DOCK3: variants seen among roughly 807,000 people sequenced by gnomAD.
The protein encoded by DOCK3 is dedicator of cytokinesis 3.
Under a neutral mutation model 265.6 loss-of-function variants are expected in DOCK3, and 60 were observed. The ratio of observed to expected loss-of-function variants is 0.23; its 90% confidence interval spans 0.18 to 0.28. DOCK3 has a LOEUF of 0.28. Among genes scored for constraint, DOCK3 ranks in the 10% least tolerant of loss-of-function variants. The pLI is 1.00. For synonymous variants in DOCK3, 881 were observed against 938.0 expected, an observed-to-expected ratio of 0.94 and a Z score of 1.11; for missense variants, 1,981 against 2,594.3, an observed-to-expected ratio of 0.76 and a Z score of 5.14.
intron 4 of DOCK3, among the ~76,000 whole-genome samples, chr3:50,928,584 G>A (rs1298824464): frequency 6.6e-6 from 1 of 152,034 alleles, no homozygotes; most frequent in Non-Finnish European, 1.5e-5. Flanking sequence ...GTTTTCGTTT[G>A]CAAGTTTCCT....
chr3:51,064,696 A>T, intron 6 of DOCK3, 100 bp downstream of exon 6: 1 of 1,421,490 alleles, frequency 7.0e-7, no homozygotes, highest in African/African-American at 1.4e-5. Context: ...AATGATTCAA[A>T]GGCAATGTTA....
rs1043540270 is a variant in DOCK3 at position 51,011,776 on chromosome 3, T to C, written c.316-52672T>C. On this transcript the variant is annotated intron_variant, in intron 5 of 52. Transcript: ENST00000266037. ...GGTTTTACCTACCTTTGGTCTTTGA[T>C]GATGGTGACGTACAGATGGGGTTTT... is the stretch of plus-strand genomic sequence containing the variant. Among the ~76,000 whole-genome samples, 10 of 152,312 alleles carry C rather than the reference T, an allele frequency of 6.6e-5. No individual in the cohort carries two copies. In the East Asian group the frequency reaches 7.7e-4, roughly 12 times the overall value.
chr3:50,823,239 G>T (rs1027844634), intron 2 of DOCK3, among the ~76,000 whole-genome samples: 2 of 151,996 alleles, frequency 1.3e-5, no homozygotes, highest in Non-Finnish European at 2.9e-5. Flanking sequence ...GACAATAGTG[G>T]AGGGAAGGTC....
intron 5 of DOCK3, among the ~76,000 whole-genome samples, chr3:50,936,234 T>C (rs1277127424): frequency 6.6e-6 from 1 of 151,632 alleles, no homozygotes; most frequent in Non-Finnish European, 1.5e-5. Flanking sequence ...TGAAGATAGC[T>C]CACTAGAAAT....
intron 5 of DOCK3, among the ~76,000 whole-genome samples, chr3:50,950,921 T>C (rs1384935739): frequency 6.6e-6 from 1 of 152,204 alleles, no homozygotes; most frequent in Non-Finnish European, 1.5e-5. Flanking sequence ...TCAACAAATA[T>C]TGGAGAGAAT....
At chr3:51,055,926 A>G (rs570420230) in intron 5 of DOCK3, among the ~76,000 whole-genome samples, 2 of 152,288 alleles carry the variant, frequency 1.3e-5, no homozygotes, top group South Asian at 2.1e-4. Flanking sequence ...ATAATGGAGG[A>G]TGTATTTGGG....
chr3:50,697,078 G>A (rs1333053832), intron 1 of DOCK3, among the ~76,000 whole-genome samples: 1 of 151,648 alleles, frequency 6.6e-6, no homozygotes, highest in Admixed American at 6.6e-5. Context: ...TTACAGATGT[G>A]CACCACCATG....
chr3:51,260,949 A>T (rs1378021928), intron 23 of DOCK3, among the ~76,000 whole-genome samples: 1 of 152,030 alleles, frequency 6.6e-6, no homozygotes, highest in Non-Finnish European at 1.5e-5. Context: ...GCACCACTGC[A>T]CTCCAGCCTG....
At chr3:51,324,189 C>G (rs1053434600) in intron 32 of DOCK3, among the ~76,000 whole-genome samples, 1 of 152,068 alleles carries the variant, frequency 6.6e-6, no homozygotes, top group African/African-American at 2.4e-5. Context: ...TTGTCTCAGC[C>G]CAAAATCTCC....
At chr3:51,231,268 A>G (rs2090537011) in intron 19 of DOCK3, among the ~76,000 whole-genome samples, 1 of 150,868 alleles carries the variant, frequency 6.6e-6, no homozygotes, top group South Asian at 2.1e-4. Flanking sequence ...AGCTGGTATT[A>G]CAGGCATGTG....
intron 2 of DOCK3, among the ~76,000 whole-genome samples, chr3:50,832,860 T>C (rs2045273548): frequency 6.6e-6 from 1 of 152,112 alleles, no homozygotes; most frequent in African/African-American, 2.4e-5. Flanking sequence ...TCAGAAAGCA[T>C]TGGTTTGTCG....
chr3:51,199,584 G>C (rs59391723), intron 12 of DOCK3, among the ~76,000 whole-genome samples: 11,144 of 152,074 alleles, frequency 0.073, 1,002 homozygotes, highest in East Asian at 0.32. Context: ...GCCTGCCTGC[G>C]TCTGTAGGCT....
intron 9 of DOCK3, among the ~76,000 whole-genome samples, chr3:51,110,866 A>G (rs2083481438): frequency 6.6e-6 from 1 of 152,176 alleles, no homozygotes; most frequent in African/African-American, 2.4e-5. Context: ...AAAGGCCTCT[A>G]CGTAGGAAGA....
At chr3:50,818,670 A>G (rs2044234438) in intron 2 of DOCK3, among the ~76,000 whole-genome samples, 1 of 152,224 alleles carries the variant, frequency 6.6e-6, no homozygotes, top group Non-Finnish European at 1.5e-5. Flanking sequence ...TCACTGGGAC[A>G]GGAAGGGAGA....
chr3:50,778,525 T>C (rs2041736069), intron 1 of DOCK3, 150 bp from the exon 2 acceptor site: 1 of 549,712 alleles, frequency 1.8e-6, no homozygotes, highest in Admixed American at 3.1e-5. Context: ...AAAATGTAGA[T>C]TAAATGGAAA....
chr3:50,787,703 C>T, intron 2 of DOCK3: 1 of 1,288,732 alleles, frequency 7.8e-7, no homozygotes, highest in Non-Finnish European at 1.1e-6. Flanking sequence ...GCAACAGAGG[C>T]AGCTCTCCTC....
intron 2 of DOCK3, among the ~76,000 whole-genome samples, chr3:50,827,094 CA>C (rs1303641489): frequency 6.6e-6 from 1 of 152,064 alleles, no homozygotes; most frequent in Non-Finnish European, 1.5e-5. Context: ...GAAGATTTAA[CA>C]AGCATTCAAC....
At chr3:51,123,020 A>C (rs2084101279) in intron 9 of DOCK3, among the ~76,000 whole-genome samples, 1 of 152,228 alleles carries the variant, frequency 6.6e-6, no homozygotes, top group Non-Finnish European at 1.5e-5. Context: ...CTCTGATAAC[A>C]GTCCCCATGC....
At chr3:51,289,629 G>T (rs1007212811) in intron 27 of DOCK3, among the ~76,000 whole-genome samples, 6 of 151,480 alleles carry the variant, frequency 4.0e-5, no homozygotes, top group African/African-American at 1.2e-4. Flanking sequence ...GTTCCTGAAT[G>T]GATTTTTTTT....
Sources: gnomAD v4.1 joint callset for allele counts (sites outside exome capture counted in the v4.1 genomes callset) on GRCh38, gnomAD v4.1.1 for gene constraint, MANE v1.5 for transcripts, NCBI Gene and HGNC (gene_info 2026-07-23, HGNC 2026-07-21) for gene names.